SCRIB: variants seen among roughly 807,000 people sequenced by gnomAD.
The protein encoded by SCRIB is protein scribble homolog.
Under a neutral mutation model 170.0 loss-of-function variants are expected in SCRIB, and 72 were observed. The observed-to-expected ratio is 0.42, with a 90% CI of 0.35 to 0.52. The LOEUF is 0.52. Ranked by LOEUF, SCRIB falls within the 20% of genes least tolerant of loss-of-function variation. The pLI is 0.02. For missense variants in SCRIB, 2,475 were observed against 2,338.5 expected (o/e 1.06, Z -1.20); for synonymous variants, 1,298 against 1,044.3 (o/e 1.24, Z -4.68).
intron 33 of SCRIB, 30 bp from the exon 34 acceptor site, chr8:143,791,943 C>T (rs782335997): frequency 2.7e-6 from 4 of 1,509,282 alleles, no homozygotes; most frequent in African/African-American, 1.4e-5. Flanking sequence ...GCATTGGAAG[C>T]AGCCCATGCG....
Position 143,795,493 on chromosome 8 carries a change from C to A in SCRIB, c.3641G>T (p.Gly1214Val). ...CTCCAGGCTGTTCCGGTGGCCGATG[C>A]CTGCCGCAAAGGGGTTGGCAATGAC... ...PGVIANPFAAGIGHRNSLESI... is the reference protein window; with the variant it reads ...PGVIANPFAAVIGHRNSLESI... Residue 1214 changes from glycine (G) to valine (V), a missense_variant, in exon 25 of 37, where the codon GGC becomes GTC. Physicochemically the swap from Gly to Val is moderately radical, Grantham distance 109 (BLOSUM62 -3). Coordinates refer to ENST00000356994, the MANE Select transcript of SCRIB (RefSeq NM_182706.5). 4.3e-6 allele frequency: 7 copies of A among 1,613,214 alleles called. No individual in the cohort carries two copies. The highest frequency in any genetic ancestry group is 5.9e-6 in the Non-Finnish European group (7 of 1,179,730).
rs557969428 is a variant in SCRIB at position 143,792,555 on chromosome 8, C to T, written c.4258G>A (p.Gly1420Arg). The T allele has an allele frequency of 1.2e-5, 19 of 1,565,286 alleles. No individual in the cohort carries two copies. The highest frequency in any genetic ancestry group is 9.3e-5 in the East Asian group (4 of 43,080). The change falls in exon 31 of 37, where the codon GGG (glycine) becomes AGG (arginine). Residue 1420 changes from glycine to arginine, a missense_variant. Physicochemically the swap from Gly to Arg is moderately radical, Grantham distance 125. Transcript: ENST00000356994. ...AGAEARLALDGETLGEEEQED... is the reference protein window; with the variant it reads ...AGAEARLALDRETLGEEEQED... ...TGTTCCTCCTCGCCCAGCGTCTCCC[C>T]GTCCAGGGCGAGCCTCGCTTCGGCC...
chr8:143,804,754 G>A lies in SCRIB; in HGVS notation c.2823C>T (p.Thr941=), dbSNP rs782373488. The part of the protein sequence containing the change: ...AVSLLTAASP[T]IALLLEREAG... ...CCTCCCGCTCCAACAGCAGGGCGAT[G>A]GTGGGGGAGGCAGCGGTCAGCAGGG... Residue 941 remains threonine (T), a synonymous_variant, in exon 21 of 37, where the codon ACC becomes ACT. Transcript: ENST00000356994. 2 of 1,604,502 alleles carry A rather than the reference G, an allele frequency of 1.2e-6. No homozygotes were observed. Among genetic ancestry groups the A allele is most frequent in the Non-Finnish European group, 1.7e-6 (2 of 1,176,754 alleles).
chr8:143,805,047 G>C (rs373667223), intron 19 of SCRIB, 33 bp from the exon 20 acceptor site: 12 of 1,581,136 alleles, frequency 7.6e-6, no homozygotes, highest in Non-Finnish European at 9.4e-6. Context: ...CAGGGCTGCC[G>C]GTGAGGCTGG....
intron 35 of SCRIB, 57 bp from the exon 36 acceptor site, chr8:143,791,497 G>A (rs565277281): frequency 1.8e-5 from 29 of 1,594,952 alleles, no homozygotes; most frequent in African/African-American, 6.7e-5. Flanking sequence ...AACCACCCAG[G>A]TGGACGGGTG....
At position 143,813,304 on chromosome 8, in the gene SCRIB, C is replaced by A; in HGVS notation, c.567+7G>T. On this transcript the variant is annotated splice_region_variant and intron_variant, in intron 6 of 36. Transcript: ENST00000356994. Reference sequence around the variant, plus strand: ...TCCGGTCTCTGCCCTGTCAGGCCTCCACGCACCAGCACTTCCAGATCGTTG... The same window carrying A: ...TCCGGTCTCTGCCCTGTCAGGCCTCAACGCACCAGCACTTCCAGATCGTTG... The A allele has an allele frequency of 1.2e-6, 2 of 1,613,490 alleles. No individual in the cohort carries two copies. The highest frequency in any genetic ancestry group is 1.7e-6 in the Non-Finnish European group (2 of 1,180,000).
chr8:143,795,541 G>A lies in SCRIB; in HGVS notation c.3604-11C>T, dbSNP rs1238906437. On this transcript the variant is annotated splice_polypyrimidine_tract_variant and intron_variant, in intron 24 of 36. Coordinates refer to ENST00000356994, the MANE Select transcript of SCRIB (RefSeq NM_182706.5). ...GACACCTGGGGACACCTGAGAAGAG[G>A]GGTGTGGGCTAAGAAGGGGGGACTG... The A allele has an allele frequency of 7.5e-6, 12 of 1,604,926 alleles. 1 individual carries two copies. In the Admixed American group the frequency reaches 1.9e-4, roughly 25 times the overall value.
At position 143,809,627 on chromosome 8, in the gene SCRIB, G is replaced by A. The variant is rs775846450; in HGVS notation, c.1622C>T (p.Ala541Val). The A allele has an allele frequency of 1.2e-5, 19 of 1,611,058 alleles. No homozygotes were observed. The highest frequency in any genetic ancestry group is 1.4e-5 in the Non-Finnish European group (17 of 1,179,954). Reference sequence around the variant, plus strand: ...CTGCTGGCTCCCACCCTGTGCCTCAGCCGACGGGCCCTCGGGCTCAGCCTC... The same window carrying A: ...CTGCTGGCTCCCACCCTGTGCCTCAACCGACGGGCCCTCGGGCTCAGCCTC... ...VSEAEPEGPS[A>V]EAQGGSQQEA... The change falls in exon 14 of 37, where the codon GCT becomes GTT. Residue 541 changes from alanine (A) to valine (V), a missense_variant. This residue lies in a region of SCRIB where 1,966 missense variants were observed against 1,742.9 expected (regional missense o/e 1.13). Transcript: ENST00000356994.
At chr8:143,791,536 C>G in intron 35 of SCRIB, 96 bp from the exon 36 acceptor site, 1 of 1,580,760 alleles carries the variant, frequency 6.3e-7, no homozygotes, top group Non-Finnish European at 8.6e-7. Flanking sequence ...CCACAGAGCC[C>G]GGCTGAAGGG....
rs1206269132 is a variant in SCRIB, at chr8:143,791,830, C to CA, written c.4695+45_4695+46insT. 3.9e-6 allele frequency: 6 copies of CA among 1,527,714 alleles called. No individual in the cohort carries two copies. The East Asian group carries it at 1.2e-4, about 30-fold the overall frequency. The allele number at this position is 1,527,714 out of a possible 1,614,324, so 94.6% of individuals were successfully genotyped here. ...GGGTGGGGGCAGGCCAGACCCCACC[C>CA]CCATGCCTCGGGGGTGAAGGGAAGG... On this transcript the variant is annotated intron_variant, in intron 34 of 36. Transcript: ENST00000356994.
rs762653316 is a variant in SCRIB, at chr8:143,808,708, C to T, written c.2016G>A (p.Glu672=). 23 of 1,566,246 alleles carry T rather than the reference C, an allele frequency of 1.5e-5. No homozygotes were observed. The highest frequency in any genetic ancestry group is 8.2e-5 in the African/African-American group (6 of 73,374). Residue 672 remains glutamate, a synonymous_variant, in exon 15 of 37, where the codon GAG becomes GAA. Transcript: ENST00000356994. ...TGTTTTCCTCCTCCTCCTCTTCCTC[C>T]TCCTCCTGAGGACTACCCTCTTCCT... ...EEEEEGSPQE[E]EEEEEEENRA...
intron 24 of SCRIB, among the ~76,000 whole-genome samples, chr8:143,801,173 T>C (rs998930700): frequency 6.6e-6 from 1 of 152,164 alleles, no homozygotes; most frequent in African/African-American, 2.4e-5. Flanking sequence ...CCCAAATCAC[T>C]GGGGAAGCGA....
At position 143,804,872 on chromosome 8, in the gene SCRIB, C is replaced by A. The variant is rs1021866721; in HGVS notation, c.2752-47G>T. ...AGGGAGGCCCAAGGGCAGAAGGGGA[C>A]AGAGGGCGCGGGGCGGGGCAGGGGG... On this transcript the variant is annotated intron_variant, in intron 20 of 36. Coordinates refer to ENST00000356994, the MANE Select transcript of SCRIB (RefSeq NM_182706.5). The A allele has an allele frequency of 8.2e-6, 9 of 1,103,500 alleles. No individual in the cohort carries two copies. The African/African-American group carries it at 1.9e-4, about 23-fold the overall frequency. The allele number at this position is 1,103,500 out of a possible 1,614,324, so 68.4% of individuals were successfully genotyped here. A position where few individuals can be genotyped will look rare whatever the true frequency, so the allele number is the denominator to read the frequency against.
Position 143,810,960 on chromosome 8 carries a change from C to T in SCRIB, c.1219G>A (p.Gly407Ser), listed in dbSNP as rs768732068. The change falls in exon 11 of 37, where the codon GGC becomes AGC. Residue 407 changes from glycine to serine, a missense_variant. Gly to Ser is a moderately conservative substitution (Grantham distance 56, BLOSUM62 0). Around this residue, in one of 3 missense-constraint regions of SCRIB, gnomAD observed 487 missense variants for 558.1 expected, o/e 0.87. Coordinates refer to ENST00000356994, the MANE Select transcript of SCRIB (RefSeq NM_182706.5). ...RFQTEDDARTGEKVLTCYLLP... is the reference protein window; with the variant it reads ...RFQTEDDARTSEKVLTCYLLP... ...AAGTAGCAGGTGAGCACCTTCTCGC[C>T]GGTCCGGGCATCATCCTCCGTCTGG... 15 of 1,611,814 alleles carry T rather than the reference C, an allele frequency of 9.3e-6. No homozygotes were observed. The highest frequency in any genetic ancestry group is 8.3e-5 in the Admixed American group (5 of 59,904).
chr8:143,791,685 C>G lies in SCRIB; in HGVS notation c.4751G>C (p.Arg1584Thr). Residue 1584 changes from arginine to threonine, a missense_variant, in exon 35 of 37, where the codon AGA becomes ACA. Arg to Thr is a moderately conservative substitution (Grantham distance 71). Transcript: ENST00000356994. ...AGGTACCTGGATGTCATAGACAGGT[C>G]TGGAAGAAGGCAGGGCCGCAAAGGC... ...YRAFAALPSSRPVYDIQSPDF... is the reference protein window; with the variant it reads ...YRAFAALPSSTPVYDIQSPDF... 1.2e-6 allele frequency: 2 copies of G among 1,605,048 alleles called. No homozygotes were observed. Among genetic ancestry groups the G allele is most frequent in the Non-Finnish European group, 8.5e-7 (1 of 1,173,520 alleles).
chr8:143,803,715 G>A lies in SCRIB; in HGVS notation c.3346C>T (p.Arg1116Cys), dbSNP rs782034055. ...APGERLGISI[R>C]GGARGHAGNP... ...CCAGCGTGGCCCCTGGCACCCCCGC[G>A]GATGCTGATGCCCAGCCTCTCCCCA... Residue 1116 changes from arginine to cysteine, a missense_variant, in exon 23 of 37, where the codon CGC becomes TGC. This residue lies in a region of SCRIB where 1,966 missense variants were observed against 1,742.9 expected (regional missense o/e 1.13). Transcript: ENST00000356994. 14 of 1,591,466 alleles carry A rather than the reference G, an allele frequency of 8.8e-6. No homozygotes were observed. The highest frequency in any genetic ancestry group is 1.2e-5 in the Non-Finnish European group (14 of 1,174,990).
rs774842947 is a variant in SCRIB at position 143,809,684 on chromosome 8, T to TCACTCAGGCCAGACTCGG, written c.1547_1564dup (p.Ala516_Ser521dup). ...TGTGCTGGCAGATGGGCGAGAGTCT[T>TCACTCAGGCCAGACTCGG]CACTCAGGCCAGACTCGGCACTCAG... On this transcript the variant is annotated inframe_insertion, in exon 14 of 37. Transcript: ENST00000356994. The TCACTCAGGCCAGACTCGG allele has an allele frequency of 2.4e-5, 39 of 1,610,636 alleles. 1 individual carries two copies. The Admixed American group carries it at 5.3e-4, about 22-fold the overall frequency.
In SCRIB at chr8:143,805,013, C is replaced by T. The variant is rs1554636087; in HGVS notation, c.2672G>A (p.Gly891Asp). ...GSTPYRAGDA[G>D]IFVSRIAEGG... ...CTCGGCAATGCGGGAGACGAAGATG[C>T]CCTGCAGGGGAGGGTGGAGGAGGCA... The change falls in exon 20 of 37, where the codon GGC (glycine) becomes GAC (aspartate). Residue 891 changes from glycine to aspartate, a missense_variant and splice_region_variant. Physicochemically the swap from Gly to Asp is moderately conservative, Grantham distance 94. Around this residue, in one of 3 missense-constraint regions of SCRIB, gnomAD observed 1,966 missense variants for 1,742.9 expected, o/e 1.13. Coordinates refer to ENST00000356994, the MANE Select transcript of SCRIB (RefSeq NM_182706.5). 1.3e-6 allele frequency: 2 copies of T among 1,586,734 alleles called. No individual in the cohort carries two copies. The highest frequency in any genetic ancestry group is 1.3e-5 in the African/African-American group (1 of 74,730).
Position 143,815,406 on chromosome 8 carries a change from C to G in SCRIB, c.-34G>C. The G allele has an allele frequency of 1.6e-6, 2 of 1,251,702 alleles. No homozygotes were observed. Among genetic ancestry groups the G allele is most frequent in the Non-Finnish European group, 2.0e-6 (2 of 992,990 alleles). 77.5% of individuals were successfully genotyped at this position (1,251,702 alleles called of 1,614,324 possible). A position where few individuals can be genotyped will look rare whatever the true frequency, so the allele number is the denominator to read the frequency against. Reference sequence around the variant, plus strand: ...TGGGCGGCGCGGGCTCCGGCGGCGGCGCTCGGCGGGCTCGGGGCCGGGGGG... The same window carrying G: ...TGGGCGGCGCGGGCTCCGGCGGCGGGGCTCGGCGGGCTCGGGGCCGGGGGG... On this transcript the variant is annotated 5_prime_UTR_variant, in exon 1 of 37. Transcript: ENST00000356994.
Sources: allele counts gnomAD v4.1 joint callset (sites outside exome capture counted in the v4.1 genomes callset), GRCh38; gene constraint gnomAD v4.1.1; regional missense constraint gnomAD v4.1.1; transcripts MANE v1.5; gene names NCBI Gene and HGNC (gene_info 2026-07-23, HGNC 2026-07-21).